Variants in VPS13B observed in about 807,000 individuals in gnomAD.
VPS13B encodes intermembrane lipid transfer protein VPS13B.
VPS13B carries 285 observed loss-of-function variants against 426.4 expected under a neutral mutation model. The observed-to-expected ratio is 0.67, with a 90% CI of 0.61 to 0.74. The LOEUF (loss-of-function observed/expected upper bound fraction) is 0.74, where lower values mean the gene tolerates loss of function less well. Ranked by LOEUF, VPS13B falls within the 30% of genes least tolerant of loss-of-function variation. The probability of loss-of-function intolerance (pLI) is 0.00; values close to 1 mark genes in which losing one functional copy is unlikely to be tolerated. For missense variants in VPS13B, 4,537 were observed against 4,782.6 expected (o/e 0.95, Z 1.51); for synonymous variants, 1,676 against 1,676.4 (o/e 1.00, Z 0.01).
chr8:99,641,501 AAG>A (rs1829357016), intron 33 of VPS13B, among the ~76,000 whole-genome samples: 1 of 152,198 alleles, frequency 6.6e-6, no homozygotes, highest in African/African-American at 2.4e-5. Context: ...TAATTCTTTA[AAG>A]AGACATTTTA....
intron 21 of VPS13B, among the ~76,000 whole-genome samples, chr8:99,410,768 G>A (rs1156477888): frequency 2.0e-5 from 3 of 152,008 alleles, no homozygotes; most frequent in African/African-American, 7.3e-5. Context: ...CAGTGTCCAT[G>A]TGTTCTTGTT....
intron 43 of VPS13B, among the ~76,000 whole-genome samples, chr8:99,795,739 A>G (rs1346668131): frequency 6.6e-6 from 1 of 152,182 alleles, no homozygotes; most frequent in Admixed American, 6.6e-5. Flanking sequence ...ACTTACCTAC[A>G]TGCCTTTTGG....
chr8:99,040,645 A>T (rs1185380656), intron 3 of VPS13B, among the ~76,000 whole-genome samples: 2 of 152,196 alleles, frequency 1.3e-5, no homozygotes, highest in Admixed American at 1.3e-4. Context: ...ATTAGTTTAT[A>T]TTCAAAGTAT....
At chr8:99,329,959 G>A (rs994976261) in intron 19 of VPS13B, among the ~76,000 whole-genome samples, 11 of 151,808 alleles carry the variant, frequency 7.2e-5, no homozygotes, top group Non-Finnish European at 1.3e-4. Context: ...GATACCAGTG[G>A]CACCCTTGGT....
At chr8:99,779,653 G>A (rs72676248) in intron 42 of VPS13B, among the ~76,000 whole-genome samples, 7 of 152,198 alleles carry the variant, frequency 4.6e-5, no homozygotes, top group South Asian at 4.2e-4. Flanking sequence ...GGGATGAAGC[G>A]TAAGTCTATG....
rs200768846 is a variant in VPS13B at position 99,125,991 on chromosome 8, TAGAG to T, written c.1206+4549_1206+4552del. ...TTGTTTGGTGATATGAGTGATCTAA[TAGAG>T]AGGAAAAAATCGATATAGGCAAGAG... On this transcript the variant is annotated intron_variant, in intron 8 of 61. Coordinates refer to ENST00000357162, the MANE Select transcript of VPS13B (RefSeq NM_152564.5). Among the ~76,000 whole-genome samples the T allele has an allele frequency of 7.5e-4, 114 of 151,946 alleles. 1 individual carries two copies. The East Asian group carries it at 0.02, about 27-fold the overall frequency.
intron 2 of VPS13B, among the ~76,000 whole-genome samples, chr8:99,032,592 C>T (rs112997036): frequency 4.4e-4 from 66 of 148,340 alleles, no homozygotes; most frequent in African/African-American, 1.4e-3. Context: ...TGCAGTGGCG[C>T]GATCTCAACT....
intron 24 of VPS13B, among the ~76,000 whole-genome samples, chr8:99,474,917 T>C (rs972082787): frequency 2.6e-5 from 4 of 152,142 alleles, no homozygotes; most frequent in African/African-American, 9.7e-5. Context: ...TTTATTTGTA[T>C]AGCCCCAAAC....
intron 36 of VPS13B, among the ~76,000 whole-genome samples, chr8:99,704,858 G>T (rs940210018): frequency 1.3e-5 from 2 of 152,104 alleles, no homozygotes; most frequent in Admixed American, 6.6e-5. Context: ...CCCCACAAGC[G>T]CAAAAGAAAG....
chr8:99,773,804 A>G (rs541785935), intron 40 of VPS13B, among the ~76,000 whole-genome samples: 1 of 152,226 alleles, frequency 6.6e-6, no homozygotes, highest in Non-Finnish European at 1.5e-5. Flanking sequence ...ACCTGTTTTG[A>G]AAGTCTTCTG....
intron 33 of VPS13B, among the ~76,000 whole-genome samples, chr8:99,593,590 A>T (rs1588530025): frequency 6.6e-6 from 1 of 152,188 alleles, no homozygotes; most frequent in Admixed American, 6.5e-5. Context: ...TCCTTCTGTT[A>T]TAAAGATACA....
intron 19 of VPS13B, among the ~76,000 whole-genome samples, chr8:99,336,972 A>C (rs1195552314): frequency 6.6e-6 from 1 of 152,100 alleles, no homozygotes; most frequent in East Asian, 1.9e-4. Context: ...TCAGGGATCT[A>C]GAACTAGAAA....
chr8:99,028,247 C>T (rs974106202), intron 2 of VPS13B, among the ~76,000 whole-genome samples: 8 of 151,308 alleles, frequency 5.3e-5, no homozygotes, highest in African/African-American at 4.9e-5. Flanking sequence ...CAGACGGGGT[C>T]GTGGCCGGGC....
intron 31 of VPS13B, among the ~76,000 whole-genome samples, chr8:99,559,265 G>C (rs535461309): frequency 2.6e-5 from 4 of 151,946 alleles, no homozygotes; most frequent in Non-Finnish European, 4.4e-5. Context: ...TTGATTTTTT[G>C]TTGTAAATTT....
chr8:99,650,964 T>C (rs1183552765), intron 34 of VPS13B, among the ~76,000 whole-genome samples: 4 of 152,184 alleles, frequency 2.6e-5, no homozygotes, highest in Admixed American at 6.5e-5. Context: ...TTATATTGTA[T>C]TAGGTATTAT....
chr8:99,752,355 G>C (rs76083265), intron 39 of VPS13B, among the ~76,000 whole-genome samples: 14 of 152,260 alleles, frequency 9.2e-5, no homozygotes, highest in African/African-American at 3.4e-4. Flanking sequence ...CTAATCAAGG[G>C]ATCAGCAGCA....
chr8:99,029,377 C>T (rs1169528804), intron 2 of VPS13B, among the ~76,000 whole-genome samples: 2 of 151,970 alleles, frequency 1.3e-5, no homozygotes, highest in Non-Finnish European at 2.9e-5. Context: ...GACGGGGTGG[C>T]GGCCGGGCAG....
At chr8:99,666,756 G>A (rs1186769550) in intron 35 of VPS13B, among the ~76,000 whole-genome samples, 4 of 152,032 alleles carry the variant, frequency 2.6e-5, no homozygotes, top group Non-Finnish European at 5.9e-5. Flanking sequence ...CACAAGACAC[G>A]GATGCCCCCT....
intron 25 of VPS13B, among the ~76,000 whole-genome samples, chr8:99,498,808 A>AT (rs1187094110): frequency 6.6e-6 from 1 of 152,034 alleles, no homozygotes; most frequent in Non-Finnish European, 1.5e-5. Flanking sequence ...ACACTTAATC[A>AT]TTTTTTCCCA....
Sources: gnomAD v4.1 joint callset for allele counts (sites outside exome capture counted in the v4.1 genomes callset) on GRCh38, gnomAD v4.1.1 for gene constraint, MANE v1.5 for transcripts, NCBI Gene and HGNC (gene_info 2026-07-23, HGNC 2026-07-21) for gene names.